The following DENND2A variants were observed in gnomAD, a reference collection of about 807,000 sequenced individuals.
DENND2A encodes the protein DENN domain containing 2A, also known as DENN domain-containing protein 2A.
In DENND2A, 53 loss-of-function variants were observed where a neutral mutation model predicts 105.3. The observed-to-expected ratio is 0.50, with a 90% CI of 0.40 to 0.63. The LOEUF (loss-of-function observed/expected upper bound fraction) is 0.63, where lower values mean the gene tolerates loss of function less well. Ranked by LOEUF, DENND2A falls within the 30% of genes least tolerant of loss-of-function variation. The pLI, the probability that DENND2A is intolerant of heterozygous loss-of-function variation, is 0.00. For missense variants in DENND2A, 1,138 were observed against 1,279.6 expected (o/e 0.89, Z 1.69); for synonymous variants, 522 against 508.4 (o/e 1.03, Z -0.36).
chr7:140,569,898 T>A (rs994633768), intron 6 of DENND2A, among the ~76,000 whole-genome samples, 160 bp from the exon 7 acceptor site: 11 of 152,050 alleles, frequency 7.2e-5, no homozygotes, highest in African/African-American at 2.7e-4. Context: ...ATCATTTTTT[T>A]TTTTTATTTT....
chr7:140,578,212 G>A (rs1219798382), intron 5 of DENND2A, among the ~76,000 whole-genome samples: 5 of 152,222 alleles, frequency 3.3e-5, no homozygotes, highest in African/African-American at 1.2e-4. Context: ...AGAGTGGCCA[G>A]GGGACATCCT....
intron 9 of DENND2A, among the ~76,000 whole-genome samples, chr7:140,565,452 T>C (rs1229704521): frequency 6.6e-6 from 1 of 152,184 alleles, no homozygotes; most frequent in Non-Finnish European, 1.5e-5. Flanking sequence ...ATTGCTTGAA[T>C]GCAATATATT....
intron 16 of DENND2A, among the ~76,000 whole-genome samples, chr7:140,524,589 TC>T (rs1795981769): frequency 6.6e-6 from 1 of 152,076 alleles, no homozygotes; most frequent in Admixed American, 6.5e-5. Context: ...CTTTTTTTTT[TC>T]TTCAGGAAAG....
chr7:140,553,809 G>C (rs185495822), intron 12 of DENND2A, among the ~76,000 whole-genome samples: 5 of 152,210 alleles, frequency 3.3e-5, no homozygotes, highest in Admixed American at 6.5e-5. Context: ...CACGGCGTTG[G>C]GGGTAAGGTT....
intron 19 of DENND2A, 122 bp from the exon 20 acceptor site, chr7:140,518,860 A>C: frequency 3.7e-6 from 3 of 811,070 alleles, no homozygotes; most frequent in Non-Finnish European, 4.1e-6. Flanking sequence ...AGGGAGCCTC[A>C]TCCCTTGCTC....
intron 3 of DENND2A, among the ~76,000 whole-genome samples, chr7:140,589,238 A>G (rs1426037630): frequency 6.6e-6 from 1 of 152,188 alleles, no homozygotes; most frequent in Non-Finnish European, 1.5e-5. Flanking sequence ...AGCTGCATTC[A>G]CAGGCTCCAA....
intron 1 of DENND2A, among the ~76,000 whole-genome samples, chr7:140,621,487 G>C (rs1050278081): frequency 2.0e-5 from 3 of 149,972 alleles, no homozygotes; most frequent in Admixed American, 1.4e-4. Flanking sequence ...AAACACCCTA[G>C]GCATAACTAC....
At chr7:140,575,121 T>C (rs1012328193) in intron 5 of DENND2A, among the ~76,000 whole-genome samples, 1 of 152,120 alleles carries the variant, frequency 6.6e-6, no homozygotes, top group Non-Finnish European at 1.5e-5. Context: ...TTTCCCAAAA[T>C]ACGCTACAAA....
chr7:140,554,010 G>A (rs1417810054), intron 12 of DENND2A, among the ~76,000 whole-genome samples: 2 of 149,126 alleles, frequency 1.3e-5, no homozygotes, highest in Non-Finnish European at 3.0e-5. Context: ...GGCGGATTAC[G>A]AGGTCAGGAG....
At chr7:140,630,331 A>G (rs1800690775) in intron 1 of DENND2A, among the ~76,000 whole-genome samples, 1 of 152,052 alleles carries the variant, frequency 6.6e-6, no homozygotes, top group African/African-American at 2.4e-5. Context: ...GGCTCTTTGT[A>G]TGTTTCTTTA....
At chr7:140,636,932 C>T (rs763002653) in intron 1 of DENND2A, among the ~76,000 whole-genome samples, 1 of 152,022 alleles carries the variant, frequency 6.6e-6, no homozygotes, top group Non-Finnish European at 1.5e-5. Context: ...GCAATCTTGG[C>T]TCATGCAACC....
chr7:140,580,280 A>C (rs535262441), intron 5 of DENND2A, among the ~76,000 whole-genome samples: 95 of 142,254 alleles, frequency 6.7e-4, no homozygotes, highest in African/African-American at 2.2e-3. Context: ...TTTCAGAAAA[A>C]AAAGAAAGGC....
intron 1 of DENND2A, among the ~76,000 whole-genome samples, chr7:140,634,658 G>A (rs574030622): frequency 2.6e-5 from 4 of 151,558 alleles, no homozygotes; most frequent in African/African-American, 7.3e-5. Flanking sequence ...ATCACTTGAG[G>A]TCAGGAGTTC....
intron 3 of DENND2A, among the ~76,000 whole-genome samples, chr7:140,591,964 C>T (rs1311611675): frequency 2.6e-5 from 1 of 38,362 alleles, no homozygotes; most frequent in Admixed American, 2.7e-4. Context: ...ACTCCCCTCC[C>T]CTCCCCCTCC....
At chr7:140,567,026 G>C in intron 9 of DENND2A, 60 bp downstream of exon 9, 1 of 1,459,052 alleles carries the variant, frequency 6.9e-7, no homozygotes, top group East Asian at 2.5e-5. Flanking sequence ...CAATTCATGA[G>C]TCCCAACAAG....
At chr7:140,597,485 A>G (rs1799325810) in intron 3 of DENND2A, among the ~76,000 whole-genome samples, 1 of 152,212 alleles carries the variant, frequency 6.6e-6, no homozygotes, top group Admixed American at 6.5e-5. Flanking sequence ...CCTCCATTGT[A>G]CTATTTTAAA....
At position 140,623,006 on chromosome 7, in the gene DENND2A, T is replaced by C. The variant is rs185722146; in HGVS notation, c.-247-17200A>G. On this transcript the variant is annotated intron_variant, in intron 1 of 19. Coordinates refer to ENST00000496613, the MANE Select transcript of DENND2A (RefSeq NM_015689.5). ...GAAGTTTGGTGTGAACTGATCATTC[T>C]CTGCATTATGGAGGTCACAAGAGCA... 1.6e-3 allele frequency among the ~76,000 whole-genome samples: 251 copies of C among 152,318 alleles called. 1 individual carries two copies. The highest frequency in any genetic ancestry group is 5.8e-3 in the African/African-American group (240 of 41,584).
chr7:140,590,140 A>G (rs1442345241), intron 3 of DENND2A, among the ~76,000 whole-genome samples: 1 of 152,170 alleles, frequency 6.6e-6, no homozygotes, highest in Non-Finnish European at 1.5e-5. Flanking sequence ...CTGTAATTCC[A>G]GCACTTTGGG....
chr7:140,636,760 C>G (rs1800953011), intron 1 of DENND2A, among the ~76,000 whole-genome samples: 1 of 147,130 alleles, frequency 6.8e-6, no homozygotes, highest in Non-Finnish European at 1.5e-5. Context: ...ACAATCATAG[C>G]TCCCTGCAGC....
Sources: allele counts gnomAD v4.1 joint callset (sites outside exome capture counted in the v4.1 genomes callset), GRCh38; gene constraint gnomAD v4.1.1; transcripts MANE v1.5; gene names NCBI Gene and HGNC (gene_info 2026-07-23, HGNC 2026-07-21).